ENAM: variants seen among roughly 807,000 people sequenced by gnomAD.
ENAM encodes the protein amelogenesis imperfecta 2, hypocalcification (autosomal dominant).
A neutral mutation model predicts 33.6 loss-of-function variants in ENAM; 21 were observed. The ratio of observed to expected loss-of-function variants is 0.63; its 90% CI spans 0.44 to 0.90. The LOEUF (loss-of-function observed/expected upper bound fraction) is 0.90, where lower values mean the gene tolerates loss of function less well. ENAM is among the 40% of genes least tolerant of loss of function. The probability of loss-of-function intolerance (pLI) is 0.00; values close to 1 mark genes in which losing one functional copy is unlikely to be tolerated. For synonymous variants in ENAM, 473 were observed against 468.4 expected (o/e 1.01, Z -0.13); for missense variants, 1,388 against 1,366.9 (o/e 1.02, Z -0.24).
chr4:70,638,703 A>C (rs2553318), intron 8 of ENAM, among the ~76,000 whole-genome samples: 28,765 of 151,054 alleles, frequency 0.19, 6,474 homozygotes, highest in African/African-American at 0.55. Context: ...GCCAGAGTGA[A>C]CCTGTGAAAA....
rs1401119415 is a variant in ENAM, at chr4:70,642,898, A to G, written c.1472A>G (p.His491Arg). The change falls in exon 9 of 9, where the codon CAT becomes CGT. Residue 491 changes from histidine to arginine, a missense_variant. Physicochemically the swap from His to Arg is conservative, Grantham distance 29. Transcript: ENST00000396073. ...CCAAATTTTAATTCTGTTGATCAAC[A>G]TGAAAACTCCTATTACCCAAGAGGA... ...PVPNFNSVDQ[H>R]ENSYYPRGDS... is the part of the protein sequence containing the mutation. The G allele has an allele frequency of 1.2e-6, 2 of 1,614,178 alleles. No homozygotes were observed. Among genetic ancestry groups the G allele is most frequent in the Middle Eastern group, 3.3e-4 (2 of 6,062 alleles).
rs1452461489 is a variant in ENAM, at chr4:70,644,779, A to G, written c.3353A>G (p.His1118Arg). 2 of 1,614,090 alleles carry G rather than the reference A, an allele frequency of 1.2e-6. No homozygotes were observed. Among genetic ancestry groups the G allele is most frequent in the Non-Finnish European group, 1.7e-6 (2 of 1,179,938 alleles). ...GTAGACCCACTTGATGCAGATGAAC[A>G]CAGTCCATTTGAATTCCTTCAAAGA... The part of the protein sequence containing the change: ...INVDPLDADE[H>R]SPFEFLQRGT... The change falls in exon 9 of 9, where the codon CAC (histidine) becomes CGC (arginine). Residue 1118 changes from histidine (H) to arginine (R), a missense_variant. Coordinates refer to ENST00000396073, the MANE Select transcript of ENAM (RefSeq NM_031889.3).
chr4:70,631,475 T>C (rs765417446), intron 2 of ENAM, among the ~76,000 whole-genome samples, 195 bp from the exon 3 acceptor site: 2 of 152,048 alleles, frequency 1.3e-5, no homozygotes, highest in African/African-American at 2.4e-5. Context: ...TTAATCTGAC[T>C]CTTTTGGCAG....
intron 8 of ENAM, among the ~76,000 whole-genome samples, chr4:70,640,804 C>T (rs926123690): frequency 6.6e-6 from 1 of 152,114 alleles, no homozygotes; most frequent in Non-Finnish European, 1.5e-5. Flanking sequence ...TGTTTAGCAG[C>T]ATGTTGTACT....
rs1738714856 is a variant in ENAM at position 70,644,802 on chromosome 4, AGAG to A, written c.3378_3380del (p.Gly1127del). Reference sequence around the variant, plus strand: ...ACACAGTCCATTTGAATTCCTTCAAAGAGGGACCAATGTACAGGACCAGGTACA... The same window carrying A: ...ACACAGTCCATTTGAATTCCTTCAAAGGACCAATGTACAGGACCAGGTACA... On this transcript the variant is annotated inframe_deletion, in exon 9 of 9. Coordinates refer to ENST00000396073, the MANE Select transcript of ENAM (RefSeq NM_031889.3). The A allele has an allele frequency of 2.5e-6, 4 of 1,614,178 alleles. No homozygotes were observed. The highest frequency in any genetic ancestry group is 3.4e-6 in the Non-Finnish European group (4 of 1,180,012).
chr4:70,640,923 T>C (rs1438007980), intron 8 of ENAM, among the ~76,000 whole-genome samples: 1 of 152,194 alleles, frequency 6.6e-6, no homozygotes, highest in Non-Finnish European at 1.5e-5. Context: ...TCTCAGCCTC[T>C]AATACTCTGA....
Position 70,635,114 on chromosome 4 carries a change from C to G in ENAM, c.471+546C>G, listed in dbSNP as rs182640841. Among the ~76,000 whole-genome samples, 11 of 152,284 alleles carry G rather than the reference C, an allele frequency of 7.2e-5. No homozygotes were observed. In the East Asian group the frequency reaches 2.1e-3, roughly 29 times the overall value. On this transcript the variant is annotated intron_variant, in intron 6 of 8. Transcript: ENST00000396073. Reference sequence around the variant, plus strand: ...CTTTTAGGCCGGGCGTGGTGGCTCACACTTGTAATCCCAACACTTTGGGAG... The same window carrying G: ...CTTTTAGGCCGGGCGTGGTGGCTCAGACTTGTAATCCCAACACTTTGGGAG...
intron 6 of ENAM, among the ~76,000 whole-genome samples, chr4:70,635,103 G>C (rs1409364805): frequency 2.6e-5 from 4 of 152,286 alleles, no homozygotes; most frequent in South Asian, 2.1e-4. Flanking sequence ...TAGGCCGGGC[G>C]TGGTGGCTCA....
rs182835987 is a variant in ENAM at position 70,629,437 on chromosome 4, T to A, written c.-60-4T>A. 2.1e-4 allele frequency: 233 copies of A among 1,101,402 alleles called. No homozygotes were observed. In the East Asian group the frequency reaches 5.2e-3, roughly 24 times the overall value. 68.2% of individuals were successfully genotyped at this position (1,101,402 alleles called of 1,614,324 possible). A position where few individuals can be genotyped will look rare whatever the true frequency, so the allele number is the denominator to read the frequency against. ...CATTTATTTGTTCCATTTCTATATTTTAGTTTCTTCTCAGGTTAAAGCTGT... is the reference window on the plus strand; with the variant it reads ...CATTTATTTGTTCCATTTCTATATTATAGTTTCTTCTCAGGTTAAAGCTGT... On this transcript the variant is annotated splice_polypyrimidine_tract_variant and splice_region_variant and intron_variant, in intron 1 of 8. Transcript: ENST00000396073.
In ENAM at chr4:70,642,225, A is replaced by T; in HGVS notation, c.799A>T (p.Thr267Ser). 6.2e-7 allele frequency: 1 copy of T among 1,614,092 alleles called. No homozygotes were observed. Among genetic ancestry groups the T allele is most frequent in the South Asian group, 1.1e-5 (1 of 91,078 alleles). ...NPKGSQGGND[T>S]SPTGNSTPGL... ...TAAAGGGAGTCAGGGAGGAAATGAC[A>T]CCAGCCCCACAGGAAACAGTACCCC... The change falls in exon 9 of 9, where the codon ACC becomes TCC. Residue 267 changes from threonine to serine, a missense_variant. Thr to Ser is a moderately conservative substitution (Grantham distance 58). Coordinates refer to ENST00000396073, the MANE Select transcript of ENAM (RefSeq NM_031889.3).
chr4:70,644,570 A>T lies in ENAM; in HGVS notation c.3144A>T (p.Arg1048Ser). 6.2e-7 allele frequency: 1 copy of T among 1,613,408 alleles called. No homozygotes were observed. The highest frequency in any genetic ancestry group is 1.1e-5 in the South Asian group (1 of 91,036). The change falls in exon 9 of 9, where the codon AGA becomes AGT. Residue 1048 changes from arginine to serine, a missense_variant. Coordinates refer to ENST00000396073, the MANE Select transcript of ENAM (RefSeq NM_031889.3). ...ATGAGAGTGAGAGGCAACAGCAAAGACCATCTAACATTCTGCATTTGCCAT... is the reference window on the plus strand; with the variant it reads ...ATGAGAGTGAGAGGCAACAGCAAAGTCCATCTAACATTCTGCATTTGCCAT... ...QENESERQQQ[R>S]PSNILHLPCF...
At chr4:70,630,804 C>T (rs1373471733) in intron 2 of ENAM, among the ~76,000 whole-genome samples, 2 of 151,408 alleles carry the variant, frequency 1.3e-5, no homozygotes, top group African/African-American at 2.4e-5. Flanking sequence ...TGCAATGGCA[C>T]GATCTTGGCT....
In ENAM at chr4:70,643,209, A is replaced by G; in HGVS notation, c.1783A>G (p.Arg595Gly). The G allele has an allele frequency of 1.2e-6, 2 of 1,613,974 alleles. No homozygotes were observed. The highest frequency in any genetic ancestry group is 1.7e-6 in the Non-Finnish European group (2 of 1,179,946). Residue 595 changes from arginine to glycine, a missense_variant, in exon 9 of 9, where the codon AGA becomes GGA. Transcript: ENST00000396073. ...EHLPHPSHGS[R>G]GSVFYPEYNP... ...TTTACCCCATCCTTCCCATGGTTCT[A>G]GAGGAAGTGTTTTCTACCCTGAATA... is the stretch of plus-strand genomic sequence containing the variant.
At chr4:70,632,817 A>G (rs1351565836) in intron 5 of ENAM, 125 bp downstream of exon 5, 3 of 762,012 alleles carry the variant, frequency 3.9e-6, no homozygotes, top group Non-Finnish European at 7.0e-6. Context: ...TCATTACAAA[A>G]GTTTCAAGGT....
Position 70,642,292 on chromosome 4 carries a change from T to C in ENAM, c.866T>C (p.Ile289Thr), listed in dbSNP as rs775930091. The C allele has an allele frequency of 2.5e-6, 4 of 1,614,092 alleles. No individual in the cohort carries two copies. The highest frequency in any genetic ancestry group is 2.2e-5 in the East Asian group (1 of 44,870). Residue 289 changes from isoleucine to threonine, a missense_variant, in exon 9 of 9, where the codon ATT (isoleucine) becomes ACT (threonine). Physicochemically the swap from Ile to Thr is moderately conservative, Grantham distance 89. Transcript: ENST00000396073. Reference protein sequence around the residue: ...TGNNPPAQNGIGPLPAVNASG... With the variant: ...TGNNPPAQNGTGPLPAVNASG... ...AACAACCCTCCAGCTCAAAATGGGATTGGCCCACTCCCTGCAGTCAACGCT... is the reference window on the plus strand; with the variant it reads ...AACAACCCTCCAGCTCAAAATGGGACTGGCCCACTCCCTGCAGTCAACGCT...
rs975508601 is a variant in ENAM at position 70,643,763 on chromosome 4, G to A, written c.2337G>A (p.Arg779=). 3.1e-6 allele frequency: 5 copies of A among 1,614,006 alleles called. No individual in the cohort carries two copies. Among genetic ancestry groups the A allele is most frequent in the Non-Finnish European group, 4.2e-6 (5 of 1,180,022 alleles). Reference sequence around the variant, plus strand: ...AAGCCCAAGGGCAGAGAGAAAGAAGGCCGTATTTTAACAGAAATATCTGGG... The same window carrying A: ...AAGCCCAAGGGCAGAGAGAAAGAAGACCGTATTTTAACAGAAATATCTGGG... The part of the protein sequence containing the change: ...RIQAQGQRER[R]PYFNRNIWDQ... The change falls in exon 9 of 9, where the codon AGG becomes AGA. Residue 779 remains arginine (R), a synonymous_variant. Transcript: ENST00000396073.
At chr4:70,633,812 T>C (rs896392995) in intron 5 of ENAM, among the ~76,000 whole-genome samples, 1 of 152,212 alleles carries the variant, frequency 6.6e-6, no homozygotes, top group Non-Finnish European at 1.5e-5. Context: ...CCAAGAACCA[T>C]AGACACCATA....
chr4:70,631,566 A>G, intron 2 of ENAM, 104 bp from the exon 3 acceptor site: 1 of 881,846 alleles, frequency 1.1e-6, no homozygotes, highest in Non-Finnish European at 1.9e-6. Context: ...ATCCATTTCC[A>G]TACTCTCCTT....
chr4:70,644,129 G>A lies in ENAM; in HGVS notation c.2703G>A (p.Gly901=), dbSNP rs773332770. 1.9e-6 allele frequency: 3 copies of A among 1,613,932 alleles called. No homozygotes were observed. The Admixed American group carries it at 5.0e-5, about 27-fold the overall frequency. The change falls in exon 9 of 9, where the codon GGG becomes GGA. Residue 901 remains glycine, a synonymous_variant. Transcript: ENST00000396073. The part of the protein sequence containing the change: ...DYTPSYGLAP[G]ENQDTSPLYT... The stretch of plus-strand genomic sequence containing the variant: ...CTCCATCCTATGGTCTTGCACCTGG[G>A]GAGAACCAAGACACCAGTCCTCTGT...
Sources: allele counts gnomAD v4.1 joint callset (sites outside exome capture counted in the v4.1 genomes callset), GRCh38; gene constraint gnomAD v4.1.1; transcripts MANE v1.5; gene names NCBI Gene and HGNC (gene_info 2026-07-23, HGNC 2026-07-21).